KLHL1: variants seen among roughly 807,000 people sequenced by gnomAD.
KLHL1 encodes kelch-like protein 1.
In KLHL1, 47 loss-of-function variants were observed where a neutral mutation model predicts 77.7. The ratio of observed to expected loss-of-function variants is 0.60; its 90% CI spans 0.48 to 0.77. The LOEUF (loss-of-function observed/expected upper bound fraction) is 0.77, where lower values mean the gene tolerates loss of function less well. Among genes scored for constraint, KLHL1 ranks in the 30% least tolerant of loss-of-function variants. The pLI is 0.00. For missense variants in KLHL1, 925 were observed against 910.8 expected, an observed-to-expected ratio of 1.02 and a Z score of -0.20; for synonymous variants, 360 against 325.2, an observed-to-expected ratio of 1.11 and a Z score of -1.15.
At chr13:69,739,673 G>C (rs1337717810) in intron 8 of KLHL1, among the ~76,000 whole-genome samples, 1 of 152,170 alleles carries the variant, frequency 6.6e-6, no homozygotes, top group Non-Finnish European at 1.5e-5. Flanking sequence ...TTGACATATT[G>C]TTTGCATTTG....
At chr13:69,882,180 T>G (rs1342428545) in intron 5 of KLHL1, 103 bp downstream of exon 5, 1 of 789,880 alleles carries the variant, frequency 1.3e-6, no homozygotes, top group Non-Finnish European at 2.1e-6. Context: ...ATAAAAGCAT[T>G]TAAAAATGTG....
chr13:69,757,694 G>T (rs1222456854), intron 7 of KLHL1, among the ~76,000 whole-genome samples: 1 of 152,116 alleles, frequency 6.6e-6, no homozygotes, highest in Non-Finnish European at 1.5e-5. Context: ...GCTTACGCCT[G>T]TAATCCCAGC....
rs369471818 is a variant in KLHL1, at chr13:70,094,393, T to TTATA, written c.497+12806_497+12809dup. On this transcript the variant is annotated intron_variant, in intron 1 of 10. Transcript: ENST00000377844. Reference sequence around the variant, plus strand: ...TGAAACAAATACAATGCAATCATCTTTATATATATATATATATGAATATAT... The same window carrying TTATA: ...TGAAACAAATACAATGCAATCATCTTTATATATATATATATATATATGAATATAT... 2.9e-3 allele frequency among the ~76,000 whole-genome samples: 402 copies of TTATA among 137,226 alleles called. 22 individuals are homozygous for TTATA. Among genetic ancestry groups the TTATA allele is most frequent in the African/African-American group, 0.012 (369 of 31,664 alleles). 90.0% of individuals were successfully genotyped at this position (137,226 alleles called of 152,430 possible).
intron 1 of KLHL1, among the ~76,000 whole-genome samples, chr13:70,042,001 T>C (rs895663622): frequency 2.0e-5 from 3 of 152,292 alleles, no homozygotes; most frequent in Non-Finnish European, 4.4e-5. Flanking sequence ...GTAGATTGTT[T>C]ATCATCTAAA....
rs532152262 is a variant in KLHL1 at position 69,976,231 on chromosome 13, C to T, written c.498-429G>A. ...TCTTGAGATGTCATAGTAAATGTTGCCTTGCAGAAATAGGTGATTTTTATT... is the reference window on the plus strand; with the variant it reads ...TCTTGAGATGTCATAGTAAATGTTGTCTTGCAGAAATAGGTGATTTTTATT... On this transcript the variant is annotated intron_variant, in intron 1 of 10. Coordinates refer to ENST00000377844, the MANE Select transcript of KLHL1 (RefSeq NM_020866.3). Among the ~76,000 whole-genome samples the T allele has an allele frequency of 1.2e-3, 183 of 151,782 alleles. 3 individuals are homozygous for T. Among genetic ancestry groups the T allele is most frequent in the African/African-American group, 4.3e-3 (178 of 41,458 alleles).
intron 6 of KLHL1, among the ~76,000 whole-genome samples, 195 bp downstream of exon 6, chr13:69,838,781 G>A (rs1879127647): frequency 1.3e-5 from 2 of 151,840 alleles, no homozygotes; most frequent in Admixed American, 1.3e-4. Context: ...CACAAGAAAT[G>A]AATAAGGAAC....
intron 7 of KLHL1, among the ~76,000 whole-genome samples, chr13:69,789,041 AT>A (rs1566255783): frequency 4.6e-5 from 3 of 64,606 alleles, no homozygotes; most frequent in African/African-American, 1.9e-4. Flanking sequence ...CTATCTATCT[AT>A]CTATCTATCT....
At position 70,081,010 on chromosome 13, in the gene KLHL1, G is replaced by C. The variant is rs1320818798; in HGVS notation, c.497+26193C>G. On this transcript the variant is annotated intron_variant, in intron 1 of 10. Transcript: ENST00000377844. ...TTCTCTTCCCAAAAAACATTGCAAA[G>C]TGCATATCATAAAAATAACTCTTTG... 2.0e-5 allele frequency among the ~76,000 whole-genome samples: 3 copies of C among 152,302 alleles called. No individual in the cohort carries two copies. In the East Asian group the frequency reaches 5.8e-4, roughly 29 times the overall value.
intron 3 of KLHL1, among the ~76,000 whole-genome samples, chr13:69,957,845 T>C (rs1727569786): frequency 6.6e-6 from 1 of 151,810 alleles, no homozygotes; most frequent in Non-Finnish European, 1.5e-5. Flanking sequence ...AAATTGCTTA[T>C]ACTGCTAATT....
At chr13:70,051,608 C>G (rs1886631683) in intron 1 of KLHL1, among the ~76,000 whole-genome samples, 1 of 151,922 alleles carries the variant, frequency 6.6e-6, no homozygotes, top group Non-Finnish European at 1.5e-5. Flanking sequence ...CTGATATTGT[C>G]TAAAGGAGGT....
intron 7 of KLHL1, among the ~76,000 whole-genome samples, chr13:69,784,166 C>A (rs1374579039): frequency 6.6e-6 from 1 of 152,132 alleles, no homozygotes; most frequent in Non-Finnish European, 1.5e-5. Flanking sequence ...GCTTGCCCTA[C>A]AAGAGCTCCT....
chr13:70,013,849 AT>A (rs962428619), intron 1 of KLHL1, among the ~76,000 whole-genome samples: 2 of 152,172 alleles, frequency 1.3e-5, no homozygotes, highest in Non-Finnish European at 2.9e-5. Context: ...ATGTAGTAAA[AT>A]CAAATTTTAT....
chr13:70,034,191 T>G (rs11838652), intron 1 of KLHL1, among the ~76,000 whole-genome samples: 55,037 of 152,126 alleles, frequency 0.36, 10,298 homozygotes, highest in East Asian at 0.69. Context: ...TGTCTATTAA[T>G]CTACATTTAT....
intron 4 of KLHL1, among the ~76,000 whole-genome samples, chr13:69,924,187 C>G (rs1052695681): frequency 6.6e-6 from 1 of 152,104 alleles, no homozygotes; most frequent in Non-Finnish European, 1.5e-5. Context: ...AGCCTGGGCA[C>G]CATTGATGAC....
chr13:69,967,025 G>T (rs9542137), intron 2 of KLHL1, among the ~76,000 whole-genome samples: 93,621 of 151,824 alleles, frequency 0.62, 28,928 homozygotes, highest in South Asian at 0.65. Context: ...TGAACAATTA[G>T]GTTGATTCCA....
intron 1 of KLHL1, among the ~76,000 whole-genome samples, chr13:70,042,604 C>A (rs1471923680): frequency 6.6e-6 from 1 of 152,094 alleles, no homozygotes; most frequent in African/African-American, 2.4e-5. Flanking sequence ...ATAAAAAATA[C>A]AATTCATACA....
chr13:69,736,374 C>G (rs1873762047), intron 8 of KLHL1, among the ~76,000 whole-genome samples: 1 of 151,708 alleles, frequency 6.6e-6, no homozygotes, highest in African/African-American at 2.4e-5. Context: ...GGTCATAATC[C>G]AAAGATTTAA....
intron 1 of KLHL1, among the ~76,000 whole-genome samples, chr13:70,032,907 CAT>C (rs1886140081): frequency 6.6e-6 from 1 of 152,066 alleles, no homozygotes; most frequent in African/African-American, 2.4e-5. Context: ...CATTAAATAT[CAT>C]TATTACTTTT....
chr13:69,939,340 CATATATATATATATATATATAT>C lies in KLHL1; in HGVS notation c.1014+678_1014+699del, dbSNP rs34074889. On this transcript the variant is annotated intron_variant, in intron 4 of 10. Transcript: ENST00000377844. ...ACACTCATATATATACATATACATA[CATATATATATATATATATATAT>C]ATATATATATATATATACACACACA... Among the ~76,000 whole-genome samples, 195 of 60,850 alleles carry C rather than the reference CATATATATATATATATATATAT, an allele frequency of 3.2e-3. 4 individuals carry two copies. The highest frequency in any genetic ancestry group is 0.011 in the African/African-American group (168 of 14,830). 39.9% of individuals were successfully genotyped at this position (60,850 alleles called of 152,430 possible).
Sources: gnomAD v4.1 joint callset for allele counts (sites outside exome capture counted in the v4.1 genomes callset) on GRCh38, gnomAD v4.1.1 for gene constraint, MANE v1.5 for transcripts, NCBI Gene and HGNC (gene_info 2026-07-23, HGNC 2026-07-21) for gene names.